The following DNAH14 variants were observed in gnomAD, a reference collection of about 807,000 sequenced individuals.
DNAH14 encodes the protein axonemal beta dynein heavy chain 14.
A neutral mutation model predicts 520.9 loss-of-function variants in DNAH14; 478 were observed. The observed-to-expected ratio is 0.92, with a 90% confidence interval of 0.85 to 0.99. The LOEUF is 0.99. Ranked by LOEUF, DNAH14 falls within the 50% of genes least tolerant of loss-of-function variation. DNAH14 has a pLI of 0.00. For missense variants in DNAH14, 4,831 were observed against 5,234.5 expected (o/e 0.92, Z 2.38); for synonymous variants, 1,581 against 1,757.2 (o/e 0.90, Z 2.51).
intron 17 of DNAH14, among the ~76,000 whole-genome samples, chr1:225,061,435 A>G (rs1213004783): frequency 6.6e-6 from 1 of 152,178 alleles, no homozygotes; most frequent in African/African-American, 2.4e-5. Flanking sequence ...GACTAGGAAA[A>G]GGAATTCCCT....
intron 10 of DNAH14, among the ~76,000 whole-genome samples, chr1:225,021,101 C>A (rs187542719): frequency 6.6e-6 from 1 of 152,292 alleles, no homozygotes; most frequent in Non-Finnish European, 1.5e-5. Context: ...TTCAACATCC[C>A]TGCATGTTAA....
At chr1:225,287,724 G>T (rs769030550) in intron 54 of DNAH14, among the ~76,000 whole-genome samples, 1 of 151,806 alleles carries the variant, frequency 6.6e-6, no homozygotes, top group Non-Finnish European at 1.5e-5. Context: ...AAGGAACCAG[G>T]ACTCCTTGGG....
At chr1:225,039,195 G>C (rs1481768011) in intron 12 of DNAH14, among the ~76,000 whole-genome samples, 2 of 151,430 alleles carry the variant, frequency 1.3e-5, no homozygotes, top group Non-Finnish European at 3.0e-5. Flanking sequence ...GGAAAAAAAG[G>C]GAATGCAGGA....
chr1:225,269,904 G>A lies in DNAH14; in HGVS notation c.7540-831G>A, dbSNP rs569534729. Among the ~76,000 whole-genome samples the A allele has an allele frequency of 7.4e-4, 113 of 152,344 alleles. 1 individual carries two copies. Among genetic ancestry groups the A allele is most frequent in the Middle Eastern group, 3.4e-3 (1 of 294 alleles). ...GTAAACTAGTTCAGCCATTGTGGAA[G>A]ACAGTGTGGTGATTCCTCAAGGATC... On this transcript the variant is annotated intron_variant, in intron 49 of 85. Coordinates refer to ENST00000682510, the MANE Select transcript of DNAH14 (RefSeq NM_001367479.1).
intron 36 of DNAH14, among the ~76,000 whole-genome samples, chr1:225,173,757 T>C (rs2082982310): frequency 6.6e-6 from 1 of 152,224 alleles, no homozygotes; most frequent in Non-Finnish European, 1.5e-5. Context: ...ATCCCATTAC[T>C]GGGTATATAC....
intron 15 of DNAH14, among the ~76,000 whole-genome samples, chr1:225,045,374 A>G (rs2456351): frequency 0.8 from 120,971 of 151,890 alleles, 51,593 homozygotes; most frequent in Non-Finnish European, 0.96. Context: ...AGTTATGAAA[A>G]TGAAGAAATT....
At chr1:225,359,419 G>T (rs10047190) in intron 74 of DNAH14, among the ~76,000 whole-genome samples, 7,528 of 151,544 alleles carry the variant, frequency 0.05, 604 homozygotes, top group African/African-American at 0.17. Flanking sequence ...CTGCTCTCCA[G>T]CCCTTGTATT....
At chr1:225,387,164 A>G (rs888335523) in intron 81 of DNAH14, among the ~76,000 whole-genome samples, 2 of 150,192 alleles carry the variant, frequency 1.3e-5, no homozygotes, top group African/African-American at 4.9e-5. Flanking sequence ...GCATATTCTC[A>G]CTCATAGGTG....
intron 60 of DNAH14, among the ~76,000 whole-genome samples, chr1:225,313,844 T>G (rs1431614435): frequency 1.3e-5 from 2 of 151,408 alleles, no homozygotes; most frequent in Non-Finnish European, 3.0e-5. Context: ...ATTTGCTGAG[T>G]GTTTTACTTC....
chr1:225,278,889 C>T (rs2149899163), intron 54 of DNAH14, among the ~76,000 whole-genome samples: 1 of 152,318 alleles, frequency 6.6e-6, no homozygotes, highest in Middle Eastern at 3.4e-3. Context: ...TTATCACAAA[C>T]CTATCTTCCC....
intron 42 of DNAH14, among the ~76,000 whole-genome samples, chr1:225,239,567 C>T (rs189140399): frequency 1.3e-5 from 2 of 152,322 alleles, no homozygotes; most frequent in East Asian, 1.9e-4. Context: ...GCTGACTTCT[C>T]TCGCTGCTTT....
chr1:225,299,046 A>G (rs2094078954), intron 55 of DNAH14, among the ~76,000 whole-genome samples: 1 of 151,952 alleles, frequency 6.6e-6, no homozygotes, highest in African/African-American at 2.4e-5. Flanking sequence ...TCCCATTGAC[A>G]CTCTAGTCAA....
chr1:225,365,003 A>T, intron 76 of DNAH14, 109 bp downstream of exon 76: 1 of 787,364 alleles, frequency 1.3e-6, no homozygotes, highest in Non-Finnish European at 1.9e-6. Flanking sequence ...ATTCTGATAA[A>T]TTCTGAAATG....
At chr1:225,012,015 C>A (rs1424666305) in intron 10 of DNAH14, among the ~76,000 whole-genome samples, 1 of 151,944 alleles carries the variant, frequency 6.6e-6, no homozygotes, top group Non-Finnish European at 1.5e-5. Context: ...GGTTATTTTG[C>A]CCATTAGTTG....
intron 55 of DNAH14, among the ~76,000 whole-genome samples, chr1:225,293,736 G>T (rs2093944516): frequency 6.6e-6 from 1 of 152,088 alleles, no homozygotes; most frequent in South Asian, 2.1e-4. Context: ...CCTGGCTGAT[G>T]AAATAATCTG....
rs146784578 is a variant in DNAH14 at position 225,303,906 on chromosome 1, G to C, written c.8823+559G>C. 2.4e-4 allele frequency among the ~76,000 whole-genome samples: 37 copies of C among 152,256 alleles called. No individual in the cohort carries two copies. The South Asian group carries it at 2.5e-3, about 10-fold the overall frequency. ...AATGCATAGAGAACTGAAACTCAAC[G>C]TAGGACATTTCTAGGTCCTACGGGA... is the stretch of plus-strand genomic sequence containing the variant. On this transcript the variant is annotated intron_variant, in intron 57 of 85. Transcript: ENST00000682510.
intron 81 of DNAH14, among the ~76,000 whole-genome samples, chr1:225,386,151 T>C (rs1438253602): frequency 1.3e-5 from 2 of 152,210 alleles, no homozygotes; most frequent in Admixed American, 6.5e-5. Flanking sequence ...ATTTAATAAA[T>C]GGTGCTGGGA....
chr1:225,098,602 C>G (rs1048449657), intron 22 of DNAH14, among the ~76,000 whole-genome samples: 3 of 152,086 alleles, frequency 2.0e-5, no homozygotes, highest in African/African-American at 7.2e-5. Flanking sequence ...GGAACAATAT[C>G]CATTTGTGTT....
intron 58 of DNAH14, among the ~76,000 whole-genome samples, chr1:225,305,745 C>T (rs1574649351): frequency 1.3e-5 from 2 of 152,104 alleles, no homozygotes; most frequent in East Asian, 3.9e-4. Context: ...GAAGGGCTGC[C>T]GAGGCACCAT....
Sources: allele counts gnomAD v4.1 joint callset (sites outside exome capture counted in the v4.1 genomes callset), GRCh38; gene constraint gnomAD v4.1.1; transcripts MANE v1.5; gene names NCBI Gene and HGNC (gene_info 2026-07-23, HGNC 2026-07-21).